Variants in TSNARE1 observed in about 807,000 individuals in gnomAD.
TSNARE1 encodes the protein t-SNARE domain-containing protein 1.
In TSNARE1, 49 loss-of-function variants were observed where a neutral mutation model predicts 62.0. The observed-to-expected ratio is 0.79, with a 90% CI of 0.63 to 1.00. The LOEUF is 1.00. Ranked by LOEUF, TSNARE1 falls within the 50% of genes least tolerant of loss-of-function variation. The pLI is 0.00. For synonymous variants in TSNARE1, 328 were observed against 294.4 expected (o/e 1.11, Z -1.17); for missense variants, 755 against 700.1 (o/e 1.08, Z -0.88).
At chr8:142,293,862 G>C (rs1393553420) in intron 10 of TSNARE1, among the ~76,000 whole-genome samples, 3 of 152,220 alleles carry the variant, frequency 2.0e-5, no homozygotes, top group Non-Finnish European at 4.4e-5. Flanking sequence ...CAGGAAGTGG[G>C]GCTGCAGTGG....
intron 12 of TSNARE1, among the ~76,000 whole-genome samples, chr8:142,247,229 G>T (rs1423659690): frequency 6.6e-6 from 1 of 152,200 alleles, no homozygotes; most frequent in African/African-American, 2.4e-5. Context: ...CAGCCCATGA[G>T]AACGGCTGCC....
At chr8:142,314,495 G>T in intron 8 of TSNARE1, 55 bp from the exon 9 acceptor site, 1 of 1,534,592 alleles carries the variant, frequency 6.5e-7, no homozygotes, top group Non-Finnish European at 9.0e-7. Flanking sequence ...GGGTGGGGAA[G>T]GGAGAAGAAA....
At chr8:142,227,439 A>C (rs953641547) in intron 13 of TSNARE1, among the ~76,000 whole-genome samples, 17 of 150,094 alleles carry the variant, frequency 1.1e-4, no homozygotes, top group African/African-American at 3.9e-4. Context: ...CCCCAGTGGC[A>C]GCCAGGACCT....
chr8:142,360,652 G>A (rs768094020), intron 1 of TSNARE1, among the ~76,000 whole-genome samples: 5 of 152,134 alleles, frequency 3.3e-5, no homozygotes, highest in African/African-American at 9.7e-5. Context: ...GAAGGGAGCC[G>A]TCTGTCCTTG....
intron 12 of TSNARE1, among the ~76,000 whole-genome samples, chr8:142,255,905 C>G (rs1371946045): frequency 1.1e-4 from 1 of 9,006 alleles, no homozygotes; most frequent in Non-Finnish European, 4.1e-4. Flanking sequence ...ACCACTGTCA[C>G]CATCACCACC....
Position 142,272,629 on chromosome 8 carries a change from C to T in TSNARE1, c.1446+2152G>A, listed in dbSNP as rs1819770719. The T allele has an allele frequency of 2.7e-5, 10 of 366,630 alleles. 2 individuals carry two copies. Among genetic ancestry groups the T allele is most frequent in the Non-Finnish European group, 3.1e-5 (10 of 318,172 alleles). The allele number at this position is 366,630 out of a possible 1,614,324, so 22.7% of individuals were successfully genotyped here. On this transcript the variant is annotated intron_variant, in intron 12 of 13. Transcript: ENST00000524325. ...CCATCTACACCTTCCTCCTTCCATCCATCCACCCGCCCATCTAGAGGCCCC... is the reference window on the plus strand; with the variant it reads ...CCATCTACACCTTCCTCCTTCCATCTATCCACCCGCCCATCTAGAGGCCCC...
At chr8:142,371,157 G>A (rs6989962) in intron 1 of TSNARE1, among the ~76,000 whole-genome samples, 25,431 of 152,178 alleles carry the variant, frequency 0.17, 2,298 homozygotes, top group East Asian at 0.3. Context: ...CTTGAAGGAC[G>A]CAACCCTGAA....
Position 142,258,038 on chromosome 8 carries a change from T to G in TSNARE1, c.1446+16743A>C, listed in dbSNP as rs7465202. Among the ~76,000 whole-genome samples, 531 of 152,074 alleles carry G rather than the reference T, an allele frequency of 3.5e-3. 2 individuals are homozygous for G. The highest frequency in any genetic ancestry group is 0.012 in the African/African-American group (509 of 41,480). On this transcript the variant is annotated intron_variant, in intron 12 of 13. Coordinates refer to ENST00000524325, the MANE Select transcript of TSNARE1 (RefSeq NM_145003.5). ...CTGTGCTTATACACACATGCACACA[T>G]GCACTTGTGCTCACACATGCACACA...
intron 1 of TSNARE1, among the ~76,000 whole-genome samples, chr8:142,367,309 A>C (rs1835619590): frequency 6.6e-6 from 1 of 152,256 alleles, no homozygotes; most frequent in Non-Finnish European, 1.5e-5. Flanking sequence ...AACTGGGAAA[A>C]CGCTAAACAA....
At chr8:142,257,949 T>TCACACA (rs757057470) in intron 12 of TSNARE1, among the ~76,000 whole-genome samples, 1 of 151,244 alleles carries the variant, frequency 6.6e-6, no homozygotes, top group Non-Finnish European at 1.5e-5. Flanking sequence ...ACACCCAAGC[T>TCACACA]CACACACACA....
At chr8:142,281,534 G>A (rs565136488) in intron 11 of TSNARE1, among the ~76,000 whole-genome samples, 1 of 152,076 alleles carries the variant, frequency 6.6e-6, no homozygotes, top group African/African-American at 2.4e-5. Context: ...AGTGGGAAGA[G>A]GACATGAGAG....
chr8:142,300,292 G>C, intron 10 of TSNARE1, 194 bp downstream of exon 10: 1 of 582,388 alleles, frequency 1.7e-6, no homozygotes. Context: ...GGGGCTCCCA[G>C]ACTCCCGTCT....
chr8:142,360,863 C>T (rs1381711294), intron 1 of TSNARE1, among the ~76,000 whole-genome samples: 1 of 152,228 alleles, frequency 6.6e-6, no homozygotes. Context: ...GTCCCCAACT[C>T]CTGGGCTGTG....
chr8:142,219,414 TC>T (rs372801874), intron 13 of TSNARE1, among the ~76,000 whole-genome samples: 151 of 152,174 alleles, frequency 9.9e-4, no homozygotes, highest in African/African-American at 3.1e-3. Flanking sequence ...GCAGGTCGGG[TC>T]CCGGTATCTG....
intron 13 of TSNARE1, among the ~76,000 whole-genome samples, chr8:142,222,045 C>CCACTCACTCACTCAATGATT (rs1816291410): frequency 8.4e-6 from 1 of 118,406 alleles, no homozygotes; most frequent in Non-Finnish European, 1.8e-5. Context: ...ATCCACTCAT[C>CCACTCACTCACTCAATGATT]CACTCACTCA....
At chr8:142,336,829 A>G (rs1831824246) in intron 4 of TSNARE1, among the ~76,000 whole-genome samples, 1 of 152,260 alleles carries the variant, frequency 6.6e-6, no homozygotes, top group South Asian at 2.1e-4. Flanking sequence ...CATTCTCTGA[A>G]AAGAGAACTA....
intron 10 of TSNARE1, 56 bp downstream of exon 10, chr8:142,300,430 T>A: frequency 6.5e-7 from 1 of 1,540,728 alleles, no homozygotes; most frequent in Non-Finnish European, 8.7e-7. Context: ...GCTCCTCTGG[T>A]TCCCAGCCTC....
chr8:142,283,526 G>A (rs1822095071), intron 11 of TSNARE1, among the ~76,000 whole-genome samples: 1 of 143,544 alleles, frequency 7.0e-6, no homozygotes, highest in African/African-American at 2.7e-5. Context: ...CTGTCAATGA[G>A]CAGAGGCGGG....
chr8:142,217,410 G>GT (rs1815932493), intron 13 of TSNARE1, among the ~76,000 whole-genome samples: 2 of 152,274 alleles, frequency 1.3e-5, no homozygotes, highest in East Asian at 3.9e-4. Context: ...AAGCAACGGC[G>GT]TAAGGAATGG....
Sources: allele counts gnomAD v4.1 joint callset (sites outside exome capture counted in the v4.1 genomes callset), GRCh38; gene constraint gnomAD v4.1.1; transcripts MANE v1.5; gene names NCBI Gene and HGNC (gene_info 2026-07-23, HGNC 2026-07-21).